The following PDGFC variants were observed in gnomAD, a reference collection of about 807,000 sequenced individuals.
PDGFC encodes the protein platelet-derived growth factor C.
Under a neutral mutation model 35.5 loss-of-function variants are expected in PDGFC, and 12 were observed. That is an observed-to-expected ratio of 0.34 (90% confidence interval 0.22 to 0.55). The LOEUF is 0.55. Among genes scored for constraint, PDGFC ranks in the 20% least tolerant of loss-of-function variants. The probability of loss-of-function intolerance (pLI) is 0.91; values close to 1 mark genes in which losing one functional copy is unlikely to be tolerated. For missense variants in PDGFC, 322 were observed against 412.4 expected, an observed-to-expected ratio of 0.78 and a Z score of 1.90; for synonymous variants, 159 against 148.8, an observed-to-expected ratio of 1.07 and a Z score of -0.50.
chr4:156,971,234 C>T lies in PDGFC; in HGVS notation c.-331G>A. The T allele has an allele frequency of 4.7e-6, 2 of 423,476 alleles. No homozygotes were observed. The highest frequency in any genetic ancestry group is 8.3e-6 in the Non-Finnish European group (2 of 240,104). 26.2% of individuals were successfully genotyped at this position (423,476 alleles called of 1,614,324 possible). ...ATGAGGGGGTGGGGACGCGGGGGAG[C>T]GGCGAGAAGTCCCCAGCAAGTTGCT... is the stretch of plus-strand genomic sequence containing the variant. On this transcript the variant is annotated 5_prime_UTR_variant, in exon 1 of 6. Coordinates refer to ENST00000502773, the MANE Select transcript of PDGFC (RefSeq NM_016205.3).
intron 1 of PDGFC, among the ~76,000 whole-genome samples, chr4:156,898,409 A>C (rs1175953531): frequency 4.6e-5 from 7 of 152,198 alleles, no homozygotes; most frequent in Non-Finnish European, 8.8e-5. Flanking sequence ...ATAACTACTG[A>C]AGTGATAGGT....
chr4:156,934,488 TTACTG>T (rs535162258), intron 1 of PDGFC, among the ~76,000 whole-genome samples: 284 of 152,306 alleles, frequency 1.9e-3, no homozygotes, highest in African/African-American at 6.5e-3. Flanking sequence ...GCCTAGCACA[TTACTG>T]TACACTTTTG....
At chr4:156,909,898 G>A (rs1730999941) in intron 1 of PDGFC, among the ~76,000 whole-genome samples, 1 of 152,140 alleles carries the variant, frequency 6.6e-6, no homozygotes, top group Non-Finnish European at 1.5e-5. Flanking sequence ...TGGTGCCCTT[G>A]TAAGAGAAAG....
At chr4:156,813,230 T>G (rs1465004136) in intron 2 of PDGFC, among the ~76,000 whole-genome samples, 1 of 152,112 alleles carries the variant, frequency 6.6e-6, no homozygotes. Flanking sequence ...TAAGGATCTG[T>G]TTGTTCTGTG....
At chr4:156,828,189 T>A (rs1728833865) in intron 2 of PDGFC, among the ~76,000 whole-genome samples, 1 of 152,242 alleles carries the variant, frequency 6.6e-6, no homozygotes, top group Non-Finnish European at 1.5e-5. Flanking sequence ...AAGTGCCTTC[T>A]AACAGCACAA....
At chr4:156,787,074 T>C (rs1276883117) in intron 3 of PDGFC, among the ~76,000 whole-genome samples, 1 of 152,218 alleles carries the variant, frequency 6.6e-6, no homozygotes, top group East Asian at 1.9e-4. Flanking sequence ...TGGATATTAC[T>C]AAAAGTCATG....
At chr4:156,786,325 C>T (rs1167960168) in intron 3 of PDGFC, among the ~76,000 whole-genome samples, 2 of 151,954 alleles carry the variant, frequency 1.3e-5, no homozygotes, top group African/African-American at 2.4e-5. Flanking sequence ...AAGTGTATTG[C>T]AGGAAAAAAG....
At chr4:156,872,726 A>G (rs1013129169) in intron 1 of PDGFC, among the ~76,000 whole-genome samples, 16 of 152,234 alleles carry the variant, frequency 1.1e-4, no homozygotes, top group African/African-American at 3.6e-4. Flanking sequence ...TTGACCTTTG[A>G]TAAGGAATGC....
chr4:156,861,356 C>T (rs1408437155), intron 1 of PDGFC: 4 of 495,448 alleles, frequency 8.1e-6, no homozygotes, highest in African/African-American at 2.0e-5. Context: ...AGCTTAATTA[C>T]ATGAAAGTAC....
intron 1 of PDGFC, among the ~76,000 whole-genome samples, chr4:156,970,342 T>A (rs1732561183): frequency 6.6e-6 from 1 of 152,224 alleles, no homozygotes; most frequent in African/African-American, 2.4e-5. Flanking sequence ...GATTAATTGA[T>A]GACTTCGACC....
At chr4:156,916,509 C>G (rs1449513122) in intron 1 of PDGFC, among the ~76,000 whole-genome samples, 4 of 152,122 alleles carry the variant, frequency 2.6e-5, no homozygotes. Flanking sequence ...CTTACTAGGC[C>G]CTAGATAGGA....
rs1298015923 is a variant in PDGFC at position 156,761,307 on chromosome 4, G to A, written c.*1783C>T. 6.6e-6 allele frequency: 1 copy of A among 152,150 alleles called. No individual in the cohort carries two copies. Among genetic ancestry groups the A allele is most frequent in the Non-Finnish European group, 1.5e-5 (1 of 68,030 alleles). 9.4% of individuals were successfully genotyped at this position (152,150 alleles called of 1,614,324 possible). A position where few individuals can be genotyped will look rare whatever the true frequency, so the allele number is the denominator to read the frequency against. ...GCCAGTGACAATGAAGACATGAGTG[G>A]AAACCTGCAAGTTTTTTTCCAGTTT... On this transcript the variant is annotated 3_prime_UTR_variant, in exon 6 of 6. Coordinates refer to ENST00000502773, the MANE Select transcript of PDGFC (RefSeq NM_016205.3).
At chr4:156,832,253 CTTTTTTTT>C (rs542396769) in intron 2 of PDGFC, among the ~76,000 whole-genome samples, 2 of 121,134 alleles carry the variant, frequency 1.7e-5, no homozygotes, top group Admixed American at 8.5e-5. Context: ...TTCTTTCTTT[CTTTTTTTT>C]TTTTTTTTTT....
chr4:156,811,888 C>G lies in PDGFC; in HGVS notation c.315-871G>C, dbSNP rs139716044. ...TGATTGAAATGTAGCAGGCAAGGTC[C>G]ACGAATGCCCAACAATGGAAAGTTC... On this transcript the variant is annotated intron_variant, in intron 2 of 5. Transcript: ENST00000502773. Among the ~76,000 whole-genome samples the G allele has an allele frequency of 2.4e-3, 367 of 152,014 alleles. 1 individual carries two copies. The highest frequency in any genetic ancestry group is 7.7e-3 in the African/African-American group (318 of 41,502).
chr4:156,923,865 G>A (rs1349412549), intron 1 of PDGFC, among the ~76,000 whole-genome samples: 1 of 152,082 alleles, frequency 6.6e-6, no homozygotes, highest in African/African-American at 2.4e-5. Flanking sequence ...TGCTGAAAAA[G>A]AAGACAGAAA....
intron 1 of PDGFC, among the ~76,000 whole-genome samples, chr4:156,898,524 A>G (rs1000628337): frequency 2.0e-5 from 3 of 152,208 alleles, no homozygotes; most frequent in Non-Finnish European, 4.4e-5. Context: ...TCACAAGTAC[A>G]ATCTGCAACT....
At chr4:156,836,344 A>G (rs1479490572) in intron 2 of PDGFC, among the ~76,000 whole-genome samples, 1 of 152,238 alleles carries the variant, frequency 6.6e-6, no homozygotes, top group Non-Finnish European at 1.5e-5. Context: ...CACTAAATTA[A>G]GGTAAGGTTT....
intron 3 of PDGFC, among the ~76,000 whole-genome samples, chr4:156,794,479 A>G (rs1412165615): frequency 6.6e-6 from 1 of 152,038 alleles, no homozygotes; most frequent in African/African-American, 2.4e-5. Context: ...GCATTTAAGA[A>G]GAGAAAGAAA....
intron 3 of PDGFC, among the ~76,000 whole-genome samples, chr4:156,783,680 G>A (rs1252386094): frequency 3.9e-5 from 6 of 152,080 alleles, no homozygotes; most frequent in Admixed American, 1.3e-4. Context: ...ATTGTTGTAC[G>A]TGTCCCTCCT....
Sources: gnomAD v4.1 joint callset for allele counts (sites outside exome capture counted in the v4.1 genomes callset) on GRCh38, gnomAD v4.1.1 for gene constraint, MANE v1.5 for transcripts, NCBI Gene and HGNC (gene_info 2026-07-23, HGNC 2026-07-21) for gene names.